The following PALLD variants were observed in gnomAD, a reference collection of about 807,000 sequenced individuals.
The protein encoded by PALLD is palladin.
PALLD carries 61 observed loss-of-function variants against 123.5 expected under a neutral mutation model. The observed-to-expected ratio is 0.49, with a 90% CI of 0.40 to 0.61. The LOEUF (loss-of-function observed/expected upper bound fraction) is 0.61, where lower values mean the gene tolerates loss of function less well. PALLD is among the 20% of genes least tolerant of loss of function. The pLI is 0.00. For synonymous variants in PALLD, 465 were observed against 496.4 expected, an observed-to-expected ratio of 0.94 and a Z score of 0.84; for missense variants, 1,273 against 1,377.0, an observed-to-expected ratio of 0.92 and a Z score of 1.20.
chr4:168,597,287 G>A (rs2149709731), intron 2 of PALLD, among the ~76,000 whole-genome samples: 1 of 152,238 alleles, frequency 6.6e-6, no homozygotes, highest in Admixed American at 6.5e-5. Flanking sequence ...ATTAGCAAGA[G>A]TGTGGGGAAA....
At position 168,926,404 on chromosome 4, in the gene PALLD, GCTGAAACA is replaced by G. The variant is rs546745722; in HGVS notation, c.*233_*240del. On this transcript the variant is annotated 3_prime_UTR_variant, in exon 22 of 22. Coordinates refer to ENST00000505667, the MANE Select transcript of PALLD (RefSeq NM_001166108.2). ...CCTGTAATCCAGCATTCTTGTTAAAGCTGAAACACTGAAACAGCCATTGCCTTGACCAA... is the reference window on the plus strand; with the variant it reads ...CCTGTAATCCAGCATTCTTGTTAAAGCTGAAACAGCCATTGCCTTGACCAA... 326 of 1,527,490 alleles carry G rather than the reference GCTGAAACA, an allele frequency of 2.1e-4. No individual in the cohort carries two copies. The highest frequency in any genetic ancestry group is 2.7e-4 in the Non-Finnish European group (311 of 1,138,352). 94.6% of individuals were successfully genotyped at this position (1,527,490 alleles called of 1,614,324 possible). A position where few individuals can be genotyped will look rare whatever the true frequency, so the allele number is the denominator to read the frequency against.
At chr4:168,859,148 A>G (rs188520826) in intron 10 of PALLD, among the ~76,000 whole-genome samples, 1 of 152,330 alleles carries the variant, frequency 6.6e-6, no homozygotes, top group Non-Finnish European at 1.5e-5. Context: ...CTCGGGGCTT[A>G]CCTGCATTTC....
intron 10 of PALLD, among the ~76,000 whole-genome samples, chr4:168,799,215 T>G (rs1738955681): frequency 6.6e-6 from 1 of 152,192 alleles, no homozygotes; most frequent in African/African-American, 2.4e-5. Flanking sequence ...CAACCACTGT[T>G]ACAGATGCAA....
intron 2 of PALLD, among the ~76,000 whole-genome samples, chr4:168,645,883 G>A (rs1777401086): frequency 6.6e-6 from 1 of 152,208 alleles, no homozygotes; most frequent in East Asian, 1.9e-4. Flanking sequence ...CAGGCACGGG[G>A]CTGTAATGAG....
At chr4:168,759,163 GA>G (rs1732330264) in intron 10 of PALLD, among the ~76,000 whole-genome samples, 2 of 104,384 alleles carry the variant, frequency 1.9e-5, no homozygotes, top group South Asian at 7.5e-4. Context: ...TGGGTGACAA[GA>G]GTGAGACTCC....
chr4:168,663,340 T>A (rs939137816), intron 2 of PALLD, among the ~76,000 whole-genome samples: 3 of 152,178 alleles, frequency 2.0e-5, no homozygotes, highest in Non-Finnish European at 4.4e-5. Flanking sequence ...GACAGGTGCC[T>A]TTGCCTAGGA....
intron 15 of PALLD, among the ~76,000 whole-genome samples, chr4:168,911,040 AATG>A (rs1337849971): frequency 6.6e-6 from 1 of 152,222 alleles, no homozygotes; most frequent in Admixed American, 6.5e-5. Flanking sequence ...GGAATTTAAT[AATG>A]ATAATTTATG....
chr4:168,613,822 G>A (rs1773963574), intron 2 of PALLD, among the ~76,000 whole-genome samples: 2 of 152,128 alleles, frequency 1.3e-5, no homozygotes, highest in South Asian at 4.1e-4. Context: ...TAATTCACGG[G>A]TGTATATCCA....
At chr4:168,845,033 G>A (rs553521064) in intron 10 of PALLD, among the ~76,000 whole-genome samples, 168 of 142,860 alleles carry the variant, frequency 1.2e-3, no homozygotes, top group African/African-American at 4.3e-3. Flanking sequence ...GAGAGTTTGG[G>A]AGAAGGCTGA....
At chr4:168,896,414 G>A (rs1377163325) in intron 12 of PALLD, 135 bp from the exon 13 acceptor site, 9 of 655,056 alleles carry the variant, frequency 1.4e-5, no homozygotes, top group South Asian at 1.2e-4. Flanking sequence ...GAATGGTTGT[G>A]TGAGTACTCA....
At chr4:168,806,597 T>A (rs972188978) in intron 10 of PALLD, among the ~76,000 whole-genome samples, 2 of 152,214 alleles carry the variant, frequency 1.3e-5, no homozygotes, top group Non-Finnish European at 2.9e-5. Context: ...TATAGCAGTG[T>A]GAGAACAGAC....
In PALLD at chr4:168,825,138, A is replaced by G. The variant is rs548423410; in HGVS notation, c.1965-65784A>G. On this transcript the variant is annotated intron_variant, in intron 10 of 21. Transcript: ENST00000505667. ...GCCAAATTCATTTCTTTAATTGCCA[A>G]TGTTACCAAATATTCTCTCCTATGG... Among the ~76,000 whole-genome samples the G allele has an allele frequency of 9.3e-4, 142 of 152,294 alleles. 2 individuals carry two copies. The highest frequency in any genetic ancestry group is 3.2e-3 in the African/African-American group (131 of 41,576).
chr4:168,767,791 C>T (rs1733885473), intron 10 of PALLD, among the ~76,000 whole-genome samples: 1 of 152,164 alleles, frequency 6.6e-6, no homozygotes, highest in Non-Finnish European at 1.5e-5. Context: ...AGGTAATCCA[C>T]CTGCCTCGGC....
intron 2 of PALLD, among the ~76,000 whole-genome samples, chr4:168,626,326 G>A (rs1407529942): frequency 2.0e-5 from 3 of 150,744 alleles, no homozygotes; most frequent in Admixed American, 6.6e-5. Flanking sequence ...GGCGTGAACC[G>A]GGAGGTGGAG....
At chr4:168,843,317 A>G (rs1412002104) in intron 10 of PALLD, among the ~76,000 whole-genome samples, 4 of 152,058 alleles carry the variant, frequency 2.6e-5, no homozygotes, top group Admixed American at 2.0e-4. Flanking sequence ...CACAGGCTCC[A>G]CCTGGTCAGC....
intron 10 of PALLD, among the ~76,000 whole-genome samples, chr4:168,803,423 A>G (rs1185635059): frequency 6.6e-6 from 1 of 152,168 alleles, no homozygotes; most frequent in African/African-American, 2.4e-5. Context: ...GTTGAAAAAA[A>G]TTTTAAAAAG....
At chr4:168,693,098 T>G (rs912240881) in intron 8 of PALLD, among the ~76,000 whole-genome samples, 2 of 148,826 alleles carry the variant, frequency 1.3e-5, no homozygotes, top group Admixed American at 6.6e-5. Context: ...GTTTCAGATC[T>G]CCCCCGCGCC....
At chr4:168,670,251 T>G (rs1267894527) in intron 3 of PALLD, among the ~76,000 whole-genome samples, 2 of 152,230 alleles carry the variant, frequency 1.3e-5, no homozygotes, top group Non-Finnish European at 2.9e-5. Flanking sequence ...TGGGTTGTGC[T>G]GCTTTCATAC....
intron 2 of PALLD, among the ~76,000 whole-genome samples, chr4:168,625,376 G>T (rs1488757879): frequency 2.6e-5 from 4 of 151,684 alleles, no homozygotes; most frequent in African/African-American, 9.7e-5. Flanking sequence ...ATAGGCAAAT[G>T]GGGCTATATC....
Sources: allele counts gnomAD v4.1 joint callset (sites outside exome capture counted in the v4.1 genomes callset), GRCh38; gene constraint gnomAD v4.1.1; transcripts MANE v1.5; gene names NCBI Gene and HGNC (gene_info 2026-07-23, HGNC 2026-07-21).